Variants in CCR3 observed in about 807,000 individuals in gnomAD.
CCR3 encodes the protein C-C motif chemokine receptor 3.
For missense variants in CCR3, 419 were observed against 437.5 expected (o/e 0.96, Z 0.38); for synonymous variants, 203 against 179.2 (o/e 1.13, Z -1.06).
At position 46,234,394 on chromosome 3, in the gene CCR3, GC is replaced by G. The variant is rs1314468472; in HGVS notation, c.-67-8005del. Among the ~76,000 whole-genome samples, 29 of 152,212 alleles carry G rather than the reference GC, an allele frequency of 1.9e-4. 1 individual carries two copies. In the Middle Eastern group the frequency reaches 0.01, roughly 54 times the overall value. On this transcript the variant is annotated intron_variant, in intron 2 of 3. Coordinates refer to the CCR3 transcript ENST00000357422. Reference sequence around the variant, plus strand: ...CTGAGGGCTCTTGATACCCAAGAAAGCCCAGGGGAGATCCTTGACATCTGTG... The same window carrying G: ...CTGAGGGCTCTTGATACCCAAGAAAGCCAGGGGAGATCCTTGACATCTGTG...
At chr3:46,219,741 AG>A (rs1396551486) in intron 2 of CCR3, among the ~76,000 whole-genome samples, 1 of 152,230 alleles carries the variant, frequency 6.6e-6, no homozygotes, top group African/African-American at 2.4e-5. Flanking sequence ...AAGTGGGGAA[AG>A]GACACCCTTT....
At chr3:46,240,725 C>T (rs752976208), upstream of CCR3, among the ~76,000 whole-genome samples, 21 of 152,136 alleles carry the variant, frequency 1.4e-4, no homozygotes, top group African/African-American at 1.9e-4. Context: ...CTGGCCTCCA[C>T]GTAGTCCTAA....
chr3:46,258,806 T>C (rs888772595), intron 1 of CCR3, among the ~76,000 whole-genome samples: 1 of 152,156 alleles, frequency 6.6e-6, no homozygotes, highest in East Asian at 1.9e-4. Flanking sequence ...ATATGACTAA[T>C]AGGAGGATAA....
intron 2 of CCR3, among the ~76,000 whole-genome samples, chr3:46,212,723 T>C (rs1444268077): frequency 1.3e-5 from 2 of 152,138 alleles, no homozygotes; most frequent in Non-Finnish European, 2.9e-5. Flanking sequence ...CCCTACTCTC[T>C]GTCCTGCTCA....
chr3:46,216,224 C>A (rs1419209224), intron 2 of CCR3, among the ~76,000 whole-genome samples: 4 of 152,204 alleles, frequency 2.6e-5, no homozygotes, highest in Admixed American at 2.0e-4. Context: ...CTGATTAAGT[C>A]CCGCTGGAAT....
intron 2 of CCR3, among the ~76,000 whole-genome samples, chr3:46,216,945 G>GA (rs918892310): frequency 4.2e-4 from 63 of 151,266 alleles, no homozygotes; most frequent in African/African-American, 1.5e-3. Flanking sequence ...ATAACACAAT[G>GA]AAAAAAAAGG....
At chr3:46,253,744 G>A (rs191424709) in intron 1 of CCR3, among the ~76,000 whole-genome samples, 8 of 152,178 alleles carry the variant, frequency 5.3e-5, no homozygotes, top group Admixed American at 3.3e-4. Context: ...TAGGTTCAGG[G>A]GTAAATGTGC....
intron 2 of CCR3, among the ~76,000 whole-genome samples, chr3:46,211,494 G>T (rs959721458): frequency 2.0e-5 from 3 of 151,990 alleles, no homozygotes; most frequent in African/African-American, 7.3e-5. Flanking sequence ...AAAGTGCTGG[G>T]ATTACAGGTG....
upstream of CCR3, among the ~76,000 whole-genome samples, chr3:46,238,381 T>A (rs867969674): frequency 1.1e-4 from 16 of 152,364 alleles, no homozygotes; most frequent in Non-Finnish European, 1.6e-4. Flanking sequence ...ACTTTTTTTT[T>A]ATGGAATATC....
chr3:46,248,082 G>A (rs1451792657), intron 1 of CCR3, among the ~76,000 whole-genome samples: 1 of 151,030 alleles, frequency 6.6e-6, no homozygotes, highest in Non-Finnish European at 1.5e-5. Context: ...ATCAGGGTGA[G>A]GAACAGGAAA....
intron 2 of CCR3, among the ~76,000 whole-genome samples, chr3:46,237,318 C>T (rs534762425): frequency 3.3e-5 from 5 of 152,138 alleles, no homozygotes; most frequent in Non-Finnish European, 5.9e-5. Context: ...TGCTTGAGGT[C>T]CTTGTACATA....
At chr3:46,247,884 T>C (rs1410327494) in intron 1 of CCR3, among the ~76,000 whole-genome samples, 2 of 151,012 alleles carry the variant, frequency 1.3e-5, no homozygotes, top group Non-Finnish European at 3.0e-5. Flanking sequence ...CCTTGAGGAG[T>C]AGTAGAATAG....
intron 2 of CCR3, among the ~76,000 whole-genome samples, chr3:46,235,863 C>A (rs1335335207): frequency 6.6e-6 from 1 of 152,210 alleles, no homozygotes. Context: ...CTGCCGAAGG[C>A]TCTACGCACA....
intron 2 of CCR3, among the ~76,000 whole-genome samples, chr3:46,220,021 A>G (rs1014162496): frequency 1.1e-4 from 16 of 152,276 alleles, no homozygotes; most frequent in Admixed American, 1.0e-3. Context: ...GCTTCTGCAT[A>G]GCAAAAGTAA....
chr3:46,255,656 CT>C (rs1700407706), intron 1 of CCR3, among the ~76,000 whole-genome samples: 1 of 152,232 alleles, frequency 6.6e-6, no homozygotes, highest in South Asian at 2.1e-4. Context: ...ATAGGGTGTC[CT>C]TTCCCCACTT....
Position 46,266,287 on chromosome 3 carries a change from C to A in CCR3, c.*61C>A. On this transcript the variant is annotated 3_prime_UTR_variant, in exon 2 of 2. Transcript: ENST00000395940. ...AAGGAGATGAAGCAAACACATTAAG[C>A]CTTCCACACTCACCTCTAAAACAGT... 9.7e-7 allele frequency: 1 copy of A among 1,030,274 alleles called. No individual in the cohort carries two copies. Among genetic ancestry groups the A allele is most frequent in the Middle Eastern group, 2.1e-4 (1 of 4,674 alleles). 63.8% of individuals were successfully genotyped at this position (1,030,274 alleles called of 1,614,324 possible). A position where few individuals can be genotyped will look rare whatever the true frequency, so the allele number is the denominator to read the frequency against.
At chr3:46,257,912 G>T (rs1700458544) in intron 1 of CCR3, among the ~76,000 whole-genome samples, 1 of 152,176 alleles carries the variant, frequency 6.6e-6, no homozygotes, top group African/African-American at 2.4e-5. Flanking sequence ...GTTGGGGGAG[G>T]TGGGTAGTTG....
At position 46,265,492 on chromosome 3, in the gene CCR3, T is replaced by G. The variant is rs201580494; in HGVS notation, c.334T>G (p.Phe112Val). 3 of 1,613,990 alleles carry G rather than the reference T, an allele frequency of 1.9e-6. No homozygotes were observed. Among genetic ancestry groups the G allele is most frequent in the Non-Finnish European group, 2.5e-6 (3 of 1,179,980 alleles). Reference protein sequence around the residue: ...GHGMCKLLSGFYHTGLYSEIF... With the variant: ...GHGMCKLLSGVYHTGLYSEIF... The stretch of plus-strand genomic sequence containing the variant: ...TGGCATGTGTAAGCTCCTCTCAGGG[T>G]TTTATCACACAGGCTTGTACAGCGA... Residue 112 changes from phenylalanine (F) to valine (V), a missense_variant, in exon 2 of 2, where the codon TTT becomes GTT. Transcript: ENST00000395940.
At chr3:46,248,356 T>C (rs1700239205) in intron 1 of CCR3, among the ~76,000 whole-genome samples, 1 of 152,178 alleles carries the variant, frequency 6.6e-6, no homozygotes, top group Admixed American at 6.5e-5. Flanking sequence ...TTTGTGATTT[T>C]TAGGGCCTCT....
Sources: gnomAD v4.1 joint callset for allele counts (sites outside exome capture counted in the v4.1 genomes callset) on GRCh38, gnomAD v4.1.1 for gene constraint, MANE v1.5 for transcripts, NCBI Gene and HGNC (gene_info 2026-07-23, HGNC 2026-07-21) for gene names.